The following LGALS3BP variants were observed in gnomAD, a reference collection of about 807,000 sequenced individuals.
LGALS3BP encodes the protein galectin 3 binding protein.
In LGALS3BP, 25 loss-of-function variants were observed where a neutral mutation model predicts 22.9. The ratio of observed to expected loss-of-function variants is 1.09; its 90% CI spans 0.80 to 1.53. The LOEUF is 1.53. Ranked by LOEUF, LGALS3BP falls within the 40% of genes most tolerant of loss-of-function variation. The probability of loss-of-function intolerance (pLI) is 0.00; values close to 1 mark genes in which losing one functional copy is unlikely to be tolerated. For synonymous variants in LGALS3BP, 335 were observed against 331.1 expected, an observed-to-expected ratio of 1.01 and a Z score of -0.13; for missense variants, 718 against 752.0, an observed-to-expected ratio of 0.95 and a Z score of 0.53.
In LGALS3BP at chr17:78,972,890, G is replaced by A. The variant is rs545707469; in HGVS notation, c.629+80C>T. Reference sequence around the variant, plus strand: ...CATGCATGAGTATGTGCAGGTGTGTGTGTGGGGGGCTGTGCTTTTGAAGAG... The same window carrying A: ...CATGCATGAGTATGTGCAGGTGTGTATGTGGGGGGCTGTGCTTTTGAAGAG... On this transcript the variant is annotated intron_variant, in intron 5 of 5. Transcript: ENST00000262776. The surrounding 1 kb of genome is among the most constrained non-coding windows in gnomAD (Gnocchi z 5.1). 10 of 1,521,702 alleles carry A rather than the reference G, an allele frequency of 6.6e-6. No homozygotes were observed. The highest frequency in any genetic ancestry group is 2.3e-5 in the East Asian group (1 of 44,144). 94.3% of individuals were successfully genotyped at this position (1,521,702 alleles called of 1,614,324 possible).
In LGALS3BP at chr17:78,971,307, G is replaced by T; in HGVS notation, c.*269C>A. The T allele has an allele frequency of 1.9e-6, 1 of 525,038 alleles. No homozygotes were observed. Among genetic ancestry groups the T allele is most frequent in the Non-Finnish European group, 3.4e-6 (1 of 293,504 alleles). The allele number at this position is 525,038 out of a possible 1,614,324, so 32.5% of individuals were successfully genotyped here. On this transcript the variant is annotated 3_prime_UTR_variant, in exon 6 of 6. Coordinates refer to ENST00000262776, the MANE Select transcript of LGALS3BP (RefSeq NM_005567.4). The surrounding 1 kb of genome is among the most constrained non-coding windows in gnomAD (Gnocchi z 5.6). ...CTCAGACCAGTGACAAGGGCAGACT[G>T]ACCAGGGGCTGTGGGGGGATCCCAG...
At position 78,973,371 on chromosome 17, in the gene LGALS3BP, G is replaced by C. The variant is rs530171355; in HGVS notation, c.377-149C>G. ...GGGAAGACGAGGGACAAGAGAGACC[G>C]GAAGTGTCGGATTCCTGGACCCTGA... On this transcript the variant is annotated intron_variant, in intron 4 of 5. Transcript: ENST00000262776. The surrounding 1 kb of genome is among the most constrained non-coding windows in gnomAD (Gnocchi z 5.8). 1 of 946,208 alleles carries C rather than the reference G, an allele frequency of 1.1e-6. No individual in the cohort carries two copies. Among genetic ancestry groups the C allele is most frequent in the South Asian group, 1.8e-5 (1 of 54,064 alleles). 58.6% of individuals were successfully genotyped at this position (946,208 alleles called of 1,614,324 possible).
Position 78,971,751 on chromosome 17 carries a change from C to G in LGALS3BP, c.1583G>C (p.Gly528Ala). ...ATCGGTGACGTCTGCCACGAAGAGC[C>G]CTTCGCAGAGCATCAGGGCTTTGTT... is the stretch of plus-strand genomic sequence containing the variant. ...YENKALMLCE[G>A]LFVADVTDFE... is the part of the protein sequence containing the mutation. Residue 528 changes from glycine to alanine, a missense_variant, in exon 6 of 6, where the codon GGG becomes GCG. Physicochemically the swap from Gly to Ala is moderately conservative, Grantham distance 60. Coordinates refer to ENST00000262776, the MANE Select transcript of LGALS3BP (RefSeq NM_005567.4). This position sits in a 1 kb window ranked among gnomAD's most constrained non-coding sequence, Gnocchi z 5.6. 6 of 1,614,110 alleles carry G rather than the reference C, an allele frequency of 3.7e-6. No homozygotes were observed. The highest frequency in any genetic ancestry group is 4.2e-6 in the Non-Finnish European group (5 of 1,180,046).
At chr17:78,975,543 A>G (rs1371988900) in intron 3 of LGALS3BP, among the ~76,000 whole-genome samples, 1 of 152,118 alleles carries the variant, frequency 6.6e-6, no homozygotes, top group Non-Finnish European at 1.5e-5. Flanking sequence ...TAATCCCAGC[A>G]CTTTGGGAGG....
chr17:78,979,320 A>C (rs1011946978), intron 1 of LGALS3BP: 1 of 152,352 alleles, frequency 6.6e-6, no homozygotes, highest in African/African-American at 2.4e-5. Flanking sequence ...TGCAGTGAGT[A>C]ATCTGCCCAA....
At chr17:78,974,010 G>A (rs1031863534) in intron 4 of LGALS3BP, among the ~76,000 whole-genome samples, 2 of 152,224 alleles carry the variant, frequency 1.3e-5, no homozygotes, top group Admixed American at 1.3e-4. Flanking sequence ...GCCCCATGGC[G>A]TCTCCTGGGC....
Position 78,971,593 on chromosome 17 carries a change from A to C in LGALS3BP, c.1741T>G (p.Ser581Ala). 6.2e-7 allele frequency: 1 copy of C among 1,613,238 alleles called. No homozygotes were observed. Residue 581 changes from serine to alanine, a missense_variant, in exon 6 of 6, where the codon TCC (serine) becomes GCC (alanine). Coordinates refer to ENST00000262776, the MANE Select transcript of LGALS3BP (RefSeq NM_005567.4). The surrounding 1 kb of genome is among the most constrained non-coding windows in gnomAD (Gnocchi z 5.6). Reference protein sequence around the residue: ...TVIRPFYLTNSSGVD With the variant: ...TVIRPFYLTNASGVD ...CACGCCGTCTAGTCCACACCTGAGGAGTTGGTCAGGTAGAAGGGGCGGATG... is the reference window on the plus strand; with the variant it reads ...CACGCCGTCTAGTCCACACCTGAGGCGTTGGTCAGGTAGAAGGGGCGGATG...
Position 78,977,323 on chromosome 17 carries a change from C to T in LGALS3BP, c.-23-109G>A, listed in dbSNP as rs536168927. On this transcript the variant is annotated intron_variant, in intron 1 of 5. Coordinates refer to ENST00000262776, the MANE Select transcript of LGALS3BP (RefSeq NM_005567.4). ...AGCCCAACCTGGGCTGTGTGGCAGG[C>T]GGGGTCCCTCTCTTGCAGAGCCCAC... 1.5e-4 allele frequency: 127 copies of T among 825,222 alleles called. No individual in the cohort carries two copies. In the East Asian group the frequency reaches 2.5e-3, roughly 16 times the overall value. 51.1% of individuals were successfully genotyped at this position (825,222 alleles called of 1,614,324 possible).
chr17:78,975,228 T>C (rs2145823999), intron 3 of LGALS3BP, among the ~76,000 whole-genome samples: 1 of 152,326 alleles, frequency 6.6e-6, no homozygotes, highest in South Asian at 2.1e-4. Flanking sequence ...GTTCACATAC[T>C]GTAATTGTGT....
rs977334532 is a variant in LGALS3BP, at chr17:78,976,081, C to A, written c.128G>T (p.Gly43Val). ...NQGRVEIFYR[G>V]QWGTVCDNLW... Reference sequence around the variant, plus strand: ...GTTGTCACACACAGTGCCCCACTGGCCTCTGTAGAAGATCTCCACGCGGCC... The same window carrying A: ...GTTGTCACACACAGTGCCCCACTGGACTCTGTAGAAGATCTCCACGCGGCC... The change falls in exon 3 of 6, where the codon GGC becomes GTC. Residue 43 changes from glycine (G) to valine (V), a missense_variant. Physicochemically the swap from Gly to Val is moderately radical, Grantham distance 109. Coordinates refer to ENST00000262776, the MANE Select transcript of LGALS3BP (RefSeq NM_005567.4). The surrounding 1 kb of genome is among the most constrained non-coding windows in gnomAD (Gnocchi z 4.6). 2 of 1,610,250 alleles carry A rather than the reference C, an allele frequency of 1.2e-6. No homozygotes were observed. The highest frequency in any genetic ancestry group is 2.2e-5 in the East Asian group (1 of 44,798).
rs550920885 is a variant in LGALS3BP, at chr17:78,976,202, C to G, written c.53-46G>C. On this transcript the variant is annotated intron_variant, in intron 2 of 5. Coordinates refer to ENST00000262776, the MANE Select transcript of LGALS3BP (RefSeq NM_005567.4). The surrounding 1 kb of genome is among the most constrained non-coding windows in gnomAD (Gnocchi z 4.6). ...GGGCGAGGCTGGGGCCTGCAGCACC[C>G]ACCGCCCACACCTCCAGGCCCCATA... 1.4e-6 allele frequency: 2 copies of G among 1,469,522 alleles called. No individual in the cohort carries two copies. The highest frequency in any genetic ancestry group is 1.8e-6 in the Non-Finnish European group (2 of 1,095,964). 91.0% of individuals were successfully genotyped at this position (1,469,522 alleles called of 1,614,324 possible). A position where few individuals can be genotyped will look rare whatever the true frequency, so the allele number is the denominator to read the frequency against.
chr17:78,975,708 C>A (rs1278118534), intron 3 of LGALS3BP, among the ~76,000 whole-genome samples: 1 of 136,916 alleles, frequency 7.3e-6, no homozygotes, highest in Non-Finnish European at 1.5e-5. Context: ...AGGAGAATCA[C>A]TTGAACTCAG....
In LGALS3BP at chr17:78,972,286, T is replaced by C. The variant is rs1220289574; in HGVS notation, c.1048A>G (p.Met350Val). 1 of 1,613,364 alleles carries C rather than the reference T, an allele frequency of 6.2e-7. No individual in the cohort carries two copies. The highest frequency in any genetic ancestry group is 8.5e-7 in the Non-Finnish European group (1 of 1,179,872). Residue 350 changes from methionine (M) to valine (V), a missense_variant, in exon 6 of 6, where the codon ATG becomes GTG. Transcript: ENST00000262776. The surrounding 1 kb of genome is among the most constrained non-coding windows in gnomAD (Gnocchi z 5.1). Reference protein sequence around the residue: ...EGLVEKIRFPMMLPEELFELQ... With the variant: ...EGLVEKIRFPVMLPEELFELQ... ...TCAAAGAGCTCCTCAGGGAGCATCA[T>C]GGGGAAGCGGATCTTCTCCACCAAG...
At position 78,972,334 on chromosome 17, in the gene LGALS3BP, C is replaced by G. The variant is rs778757224; in HGVS notation, c.1000G>C (p.Ala334Pro). The part of the protein sequence containing the change: ...AVDTWSWGER[A>P]SHEEVEGLVE... ...AAGCCCTCCACCTCCTCATGGGAGG[C>G]ACGCTCCCCCCAGCTCCAGGTGTCC... Residue 334 changes from alanine to proline, a missense_variant, in exon 6 of 6, where the codon GCC (alanine) becomes CCC (proline). Physicochemically the swap from Ala to Pro is conservative, Grantham distance 27. Coordinates refer to ENST00000262776, the MANE Select transcript of LGALS3BP (RefSeq NM_005567.4). This position sits in a 1 kb window ranked among gnomAD's most constrained non-coding sequence, Gnocchi z 5.1. 1 of 1,613,488 alleles carries G rather than the reference C, an allele frequency of 6.2e-7. No homozygotes were observed. The highest frequency in any genetic ancestry group is 8.5e-7 in the Non-Finnish European group (1 of 1,180,032).
At position 78,972,898 on chromosome 17, in the gene LGALS3BP, G is replaced by C; in HGVS notation, c.629+72C>G. The C allele has an allele frequency of 6.5e-7, 1 of 1,535,814 alleles. No homozygotes were observed. Among genetic ancestry groups the C allele is most frequent in the Admixed American group, 1.9e-5 (1 of 52,668 alleles). ...AGTATGTGCAGGTGTGTGTGTGGGG[G>C]GCTGTGCTTTTGAAGAGGGGAGGAG... On this transcript the variant is annotated intron_variant, in intron 5 of 5. Coordinates refer to ENST00000262776, the MANE Select transcript of LGALS3BP (RefSeq NM_005567.4). The surrounding 1 kb of genome is among the most constrained non-coding windows in gnomAD (Gnocchi z 5.1).
Position 78,971,720 on chromosome 17 carries a change from CTCGAAA to C in LGALS3BP, c.1608_1613del (p.Asp536_Phe537del). 1 of 1,614,054 alleles carries C rather than the reference CTCGAAA, an allele frequency of 6.2e-7. No individual in the cohort carries two copies. Among genetic ancestry groups the C allele is most frequent in the African/African-American group, 1.3e-5 (1 of 75,056 alleles). ...CACTGGGAATCGCAGCCTTCCAGCCCTCGAAATCGGTGACGTCTGCCACGAAGAGCC... is the reference window on the plus strand; with the variant it reads ...CACTGGGAATCGCAGCCTTCCAGCCCTCGGTGACGTCTGCCACGAAGAGCC... On this transcript the variant is annotated inframe_deletion, in exon 6 of 6. Transcript: ENST00000262776. The surrounding 1 kb of genome is among the most constrained non-coding windows in gnomAD (Gnocchi z 5.6).
chr17:78,972,845 T>TGACTGCGTGTGTACATGTGC lies in LGALS3BP; in HGVS notation c.629+105_629+124dup, dbSNP rs2070686245. ...GTGTGCAACTGCGTGAGTGCATGTG[T>TGACTGCGTGTGTACATGTGC]GACTGCGTGTGTACATGTGCATGCA... On this transcript the variant is annotated intron_variant, in intron 5 of 5. Transcript: ENST00000262776. The surrounding 1 kb of genome is among the most constrained non-coding windows in gnomAD (Gnocchi z 5.1). The TGACTGCGTGTGTACATGTGC allele has an allele frequency of 1.4e-6, 2 of 1,427,168 alleles. No individual in the cohort carries two copies. Among genetic ancestry groups the TGACTGCGTGTGTACATGTGC allele is most frequent in the Non-Finnish European group, 9.4e-7 (1 of 1,058,516 alleles). 88.4% of individuals were successfully genotyped at this position (1,427,168 alleles called of 1,614,324 possible).
rs747705797 is a variant in LGALS3BP, at chr17:78,973,030, C to T, written c.569G>A (p.Gly190Asp). Residue 190 changes from glycine to aspartate, a missense_variant, in exon 5 of 6, where the codon GGC (glycine) becomes GAC (aspartate). By Grantham distance (94) the Gly-to-Asp change is moderately conservative (BLOSUM62 -1). Coordinates refer to ENST00000262776, the MANE Select transcript of LGALS3BP (RefSeq NM_005567.4). The surrounding 1 kb of genome is among the most constrained non-coding windows in gnomAD (Gnocchi z 5.8). ...LEAQALWKEP[G>D]SNVTMSVDAE... The stretch of plus-strand genomic sequence containing the variant: ...ATCCACACTCATGGTGACATTGCTG[C>T]CCGGCTCCTTCCACAGGGCCTGGGC... 1.2e-6 allele frequency: 2 copies of T among 1,613,922 alleles called. No individual in the cohort carries two copies. The highest frequency in any genetic ancestry group is 1.7e-6 in the Non-Finnish European group (2 of 1,179,988).
In LGALS3BP at chr17:78,977,213, T is replaced by A; in HGVS notation, c.-22A>T. Reference sequence around the variant, plus strand: ...TCATGGCCGTGCCTGGATGCCCAGATCCTGCAGCAGACAGAAGCGGAGGGG... The same window carrying A: ...TCATGGCCGTGCCTGGATGCCCAGAACCTGCAGCAGACAGAAGCGGAGGGG... On this transcript the variant is annotated splice_region_variant and 5_prime_UTR_variant, in exon 2 of 6. Coordinates refer to ENST00000262776, the MANE Select transcript of LGALS3BP (RefSeq NM_005567.4). 1 of 1,611,538 alleles carries A rather than the reference T, an allele frequency of 6.2e-7. No homozygotes were observed. Among genetic ancestry groups the A allele is most frequent in the Non-Finnish European group, 8.5e-7 (1 of 1,179,640 alleles).
Sources: gnomAD v4.1 joint callset for allele counts (sites outside exome capture counted in the v4.1 genomes callset) on GRCh38, gnomAD v4.1.1 for gene constraint, Gnocchi (gnomAD v3.1) non-coding constraint, MANE v1.5 for transcripts, NCBI Gene and HGNC (gene_info 2026-07-23, HGNC 2026-07-21) for gene names.